Variants in GSDME observed in about 807,000 individuals in gnomAD.
The protein encoded by GSDME is gasdermin-E.
A neutral mutation model predicts 47.5 loss-of-function variants in GSDME; 44 were observed. That is an observed-to-expected ratio of 0.93 (90% confidence interval 0.73 to 1.19). The LOEUF (loss-of-function observed/expected upper bound fraction) is 1.19, where lower values mean the gene tolerates loss of function less well. Among genes scored for constraint, GSDME ranks in the 50% most tolerant of loss-of-function variants. GSDME has a pLI of 0.00. For missense variants in GSDME, 663 were observed against 604.2 expected, an observed-to-expected ratio of 1.10 and a Z score of -1.02; for synonymous variants, 258 against 252.8, an observed-to-expected ratio of 1.02 and a Z score of -0.20.
intron 7 of GSDME, chr7:24,707,782 G>T (rs1789175628): frequency 2.0e-6 from 1 of 492,820 alleles, no homozygotes; most frequent in Admixed American, 3.6e-5. Context: ...ATCCGCAGCT[G>T]GAAGGAGACA....
At position 24,717,357 on chromosome 7, in the gene GSDME, A is replaced by G. The variant is rs760272050; in HGVS notation, c.594T>C (p.Asp198=). The part of the protein sequence containing the change: ...TKTVQVSATE[D]GNVTKDSNVV... ...CGTTGGAGTCCTTGGTGACATTCCC[A>G]TCCTCCGTCGCTGACACCTGTGGGC... The change falls in exon 5 of 10, where the codon GAT becomes GAC. Residue 198 remains aspartate (D), a synonymous_variant. Transcript: ENST00000645220. 22 of 1,613,968 alleles carry G rather than the reference A, an allele frequency of 1.4e-5. 1 individual carries two copies. In the South Asian group the frequency reaches 1.8e-4, roughly 13 times the overall value.
At chr7:24,784,219 G>C in the GSDME span, among the ~76,000 whole-genome samples, 1 of 152,198 alleles carries the variant, frequency 6.6e-6, no homozygotes, top group East Asian at 1.9e-4. Context: ...CATGGGCACT[G>C]TATTAGTCAG....
chr7:24,757,077 A>T lies in GSDME; in HGVS notation c.-20+319T>A, dbSNP rs1791048287. ...AACGAAAATACCAGCTGCGCTTCCA[A>T]CATCCAAGGAAGGAAGTGGCAGCGG... is the stretch of plus-strand genomic sequence containing the variant. On this transcript the variant is annotated intron_variant, in intron 1 of 9. Transcript: ENST00000645220. The surrounding 1 kb of genome is among the most constrained non-coding windows in gnomAD (Gnocchi z 5.9). Among the ~76,000 whole-genome samples, 1 of 152,106 alleles carries T rather than the reference A, an allele frequency of 6.6e-6. No homozygotes were observed. The highest frequency in any genetic ancestry group is 6.5e-5 in the Admixed American group (1 of 15,280).
At position 24,744,507 on chromosome 7, in the gene GSDME, T is replaced by G; in HGVS notation, c.404+55A>C. 18 of 1,573,598 alleles carry G rather than the reference T, an allele frequency of 1.1e-5. No individual in the cohort carries two copies. The highest frequency in any genetic ancestry group is 1.5e-5 in the Non-Finnish European group (17 of 1,144,026). On this transcript the variant is annotated intron_variant, in intron 3 of 9. Coordinates refer to ENST00000645220, the MANE Select transcript of GSDME (RefSeq NM_001127453.2). The surrounding 1 kb of genome is among the most constrained non-coding windows in gnomAD (Gnocchi z 4.5). ...CCCTTTTAACAAAGGTCCAACTGAA[T>G]GACCTTTAAATGTGAGATGTGTCAA... is the stretch of plus-strand genomic sequence containing the variant.
intron 1 of GSDME, among the ~76,000 whole-genome samples, chr7:24,752,946 G>A (rs904541774): frequency 1.3e-5 from 2 of 151,616 alleles, no homozygotes; most frequent in Non-Finnish European, 2.9e-5. Context: ...CTCCCCCACA[G>A]GGATTAGACG....
chr7:24,784,684 C>T, the GSDME span, among the ~76,000 whole-genome samples: 8 of 149,616 alleles, frequency 5.3e-5, no homozygotes, highest in Admixed American at 6.7e-5. Flanking sequence ...CTCAGCCTCC[C>T]GAGTAGCTGG....
intron 5 of GSDME, among the ~76,000 whole-genome samples, chr7:24,711,747 G>A (rs944673053): frequency 6.6e-5 from 10 of 150,790 alleles, no homozygotes; most frequent in African/African-American, 9.8e-5. Flanking sequence ...CCCTGGAGGC[G>A]GAGGTTGCAG....
At chr7:24,791,330 T>A in the GSDME span, among the ~76,000 whole-genome samples, 586 of 152,346 alleles carry the variant, frequency 3.8e-3, 5 homozygotes, top group African/African-American at 0.013. The surrounding 1 kb of genome is among the most constrained non-coding windows in gnomAD (Gnocchi z 4.8). Flanking sequence ...AACCTAGGGA[T>A]GAGCTCTCCA....
At chr7:24,759,838 G>T (rs958199157), upstream of GSDME, among the ~76,000 whole-genome samples, 1 of 152,204 alleles carries the variant, frequency 6.6e-6, no homozygotes, top group Non-Finnish European at 1.5e-5. Context: ...GTCCAATGGT[G>T]GGGGGATGAA....
At chr7:24,791,323 CTAGGGA>C in the GSDME span, among the ~76,000 whole-genome samples, 9 of 152,318 alleles carry the variant, frequency 5.9e-5, no homozygotes, top group South Asian at 1.9e-3. This position sits in a 1 kb window ranked among gnomAD's most constrained non-coding sequence, Gnocchi z 4.8. Context: ...CAGTCCAAAC[CTAGGGA>C]TGAGCTCTCC....
chr7:24,708,072 C>A, intron 7 of GSDME, 55 bp downstream of exon 7: 1 of 1,609,596 alleles, frequency 6.2e-7, no homozygotes, highest in South Asian at 1.1e-5. Context: ...CTGCCTCCTC[C>A]CCTGTTCCAG....
At chr7:24,707,034 A>G (rs79843489) in intron 7 of GSDME, among the ~76,000 whole-genome samples, 4,897 of 152,308 alleles carry the variant, frequency 0.032, 282 homozygotes, top group African/African-American at 0.11. Flanking sequence ...GTAGAAGTCA[A>G]TGGGCTTTTT....
At chr7:24,750,837 A>T (rs914500828) in intron 1 of GSDME, among the ~76,000 whole-genome samples, 2 of 152,226 alleles carry the variant, frequency 1.3e-5, no homozygotes, top group Non-Finnish European at 2.9e-5. Context: ...GATACATTGG[A>T]AGATATAAAA....
intron 3 of GSDME, among the ~76,000 whole-genome samples, chr7:24,740,144 TG>T (rs1790441049): frequency 1.3e-5 from 2 of 151,014 alleles, no homozygotes; most frequent in Admixed American, 1.3e-4. Flanking sequence ...GGGATGGAAC[TG>T]GAGGTCATTA....
intron 7 of GSDME, among the ~76,000 whole-genome samples, chr7:24,706,619 A>C (rs908965737): frequency 5.3e-5 from 8 of 152,220 alleles, no homozygotes; most frequent in African/African-American, 1.9e-4. Context: ...GTGGCATAGA[A>C]CCTTCCAGGG....
rs1159234625 is a variant in GSDME, at chr7:24,712,719, A to T, written c.698-2331T>A. On this transcript the variant is annotated intron_variant, in intron 5 of 9. Transcript: ENST00000645220. This position sits in a 1 kb window ranked among gnomAD's most constrained non-coding sequence, Gnocchi z 4.4. ...TCATGGCTGAGGCCCCTATCACAAC[A>T]GACAGATTAACAAGAGAGGCCAGGC... Among the ~76,000 whole-genome samples the T allele has an allele frequency of 1.3e-5, 2 of 152,170 alleles. No individual in the cohort carries two copies. Among genetic ancestry groups the T allele is most frequent in the Non-Finnish European group, 2.9e-5 (2 of 68,032 alleles).
chr7:24,748,410 G>T (rs560910131), intron 2 of GSDME, among the ~76,000 whole-genome samples: 1 of 151,840 alleles, frequency 6.6e-6, no homozygotes, highest in Non-Finnish European at 1.5e-5. Context: ...CACCAGCCTC[G>T]GCCTCCCAAA....
chr7:24,720,147 G>C (rs1412734037), intron 3 of GSDME, among the ~76,000 whole-genome samples: 1 of 152,208 alleles, frequency 6.6e-6, no homozygotes. Context: ...TCACTCAGCA[G>C]AGATTTGGGG....
chr7:24,729,987 T>C (rs1217966722), intron 3 of GSDME, among the ~76,000 whole-genome samples: 2 of 152,156 alleles, frequency 1.3e-5, no homozygotes, highest in Non-Finnish European at 2.9e-5. Context: ...ATAAGGTTGA[T>C]ATTTAAGAGG....
Sources: gnomAD v4.1 joint callset for allele counts (sites outside exome capture counted in the v4.1 genomes callset) on GRCh38, gnomAD v4.1.1 for gene constraint, Gnocchi (gnomAD v3.1) non-coding constraint, MANE v1.5 for transcripts, NCBI Gene and HGNC (gene_info 2026-07-23, HGNC 2026-07-21) for gene names.